Variants in IDE observed in about 807,000 individuals in gnomAD.
The protein encoded by IDE is insulin degrading enzyme.
A neutral mutation model predicts 133.2 loss-of-function variants in IDE; 58 were observed. That is an observed-to-expected ratio of 0.44 (90% CI 0.35 to 0.54). The LOEUF is 0.54. IDE is among the 20% of genes least tolerant of loss of function. The pLI is 0.00. For missense variants in IDE, 981 were observed against 1,234.0 expected (o/e 0.79, Z 3.07); for synonymous variants, 396 against 421.3 (o/e 0.94, Z 0.73).
At chr10:92,567,480 A>C (rs1437601013) in intron 1 of IDE, among the ~76,000 whole-genome samples, 2 of 152,134 alleles carry the variant, frequency 1.3e-5, no homozygotes, top group African/African-American at 4.8e-5. Context: ...ATCCCTCATC[A>C]GTCTCTGCCT....
intron 14 of IDE, among the ~76,000 whole-genome samples, chr10:92,482,858 T>G (rs1281891374): frequency 1.3e-5 from 2 of 151,924 alleles, no homozygotes; most frequent in Non-Finnish European, 2.9e-5. Context: ...CAGGCTGGAG[T>G]GCAGCGGTGC....
intron 4 of IDE, among the ~76,000 whole-genome samples, chr10:92,525,828 A>G (rs1470295700): frequency 6.6e-6 from 1 of 151,960 alleles, no homozygotes; most frequent in Non-Finnish European, 1.5e-5. Flanking sequence ...ACACACAACA[A>G]AAAAGCCCTC....
intron 1 of IDE, among the ~76,000 whole-genome samples, chr10:92,544,220 G>A (rs1418844159): frequency 2.8e-5 from 4 of 144,868 alleles, no homozygotes; most frequent in Non-Finnish European, 4.5e-5. Flanking sequence ...GTGACAGAGC[G>A]AGACACCATC....
In IDE at chr10:92,564,548, G is replaced by A. The variant is rs185711223; in HGVS notation, c.98+9374C>T. ...AAAATTAGTGGGCATGGTGGCACACGCCTGTAGTCCCAGCTACTCAGGAGG... is the reference window on the plus strand; with the variant it reads ...AAAATTAGTGGGCATGGTGGCACACACCTGTAGTCCCAGCTACTCAGGAGG... On this transcript the variant is annotated intron_variant, in intron 1 of 24. Transcript: ENST00000265986. Among the ~76,000 whole-genome samples, 575 of 151,654 alleles carry A rather than the reference G, an allele frequency of 3.8e-3. 2 individuals carry two copies. The highest frequency in any genetic ancestry group is 6.3e-3 in the Non-Finnish European group (427 of 67,884).
chr10:92,478,510 C>T (rs1846408159), intron 15 of IDE: 1 of 352,022 alleles, frequency 2.8e-6, no homozygotes, highest in Non-Finnish European at 4.3e-6. Context: ...AATTTGAGTT[C>T]TTTGATCATC....
At position 92,552,731 on chromosome 10, in the gene IDE, T is replaced by C. The variant is rs1842839011; in HGVS notation, c.99-15181A>G. Among the ~76,000 whole-genome samples, 4 of 151,336 alleles carry C rather than the reference T, an allele frequency of 2.6e-5. No individual in the cohort carries two copies. The South Asian group carries it at 8.4e-4, about 32-fold the overall frequency. On this transcript the variant is annotated intron_variant, in intron 1 of 24. Coordinates refer to ENST00000265986, the MANE Select transcript of IDE (RefSeq NM_004969.4). ...AAAATTAGCCAGGCATGGTGGCACATGCCTGTAATCCCAGCTACCTGGAGG... is the reference window on the plus strand; with the variant it reads ...AAAATTAGCCAGGCATGGTGGCACACGCCTGTAATCCCAGCTACCTGGAGG...
intron 4 of IDE, among the ~76,000 whole-genome samples, chr10:92,517,057 C>A (rs1385199533): frequency 6.6e-6 from 1 of 152,154 alleles, no homozygotes; most frequent in East Asian, 1.9e-4. Flanking sequence ...TCCTGTCTTT[C>A]TTCTGCAGAG....
chr10:92,465,570 A>G (rs1370482518), intron 20 of IDE, 106 bp downstream of exon 20: 1 of 938,738 alleles, frequency 1.1e-6, no homozygotes, highest in East Asian at 2.4e-5. Flanking sequence ...CTCTAAGTAG[A>G]CCATGCCTGA....
chr10:92,559,787 G>A (rs1319798761), intron 1 of IDE, among the ~76,000 whole-genome samples: 1 of 149,982 alleles, frequency 6.7e-6, no homozygotes, highest in Non-Finnish European at 1.5e-5. Flanking sequence ...ACCCAGGCTG[G>A]AGTGCAATGG....
intron 22 of IDE, among the ~76,000 whole-genome samples, chr10:92,457,948 G>C (rs909282419): frequency 6.6e-6 from 1 of 152,110 alleles, no homozygotes; most frequent in Admixed American, 6.5e-5. Flanking sequence ...TTAACATGTA[G>C]TACCTCATCT....
At chr10:92,473,624 G>GAA (rs771270224) in intron 17 of IDE, among the ~76,000 whole-genome samples, 1 of 140,028 alleles carries the variant, frequency 7.1e-6, no homozygotes, top group Non-Finnish European at 1.6e-5. Context: ...GCTAAAGCAG[G>GAA]AAAAAAAAAA....
At chr10:92,558,985 T>C (rs1214987257) in intron 1 of IDE, 5 of 150,312 alleles carry the variant, frequency 3.3e-5, no homozygotes, top group African/African-American at 1.2e-4. Flanking sequence ...TAGACATTTC[T>C]CTAAAGAAGA....
At chr10:92,538,115 C>G (rs1179535796) in intron 1 of IDE, among the ~76,000 whole-genome samples, 3 of 152,304 alleles carry the variant, frequency 2.0e-5, no homozygotes, top group Admixed American at 2.0e-4. Flanking sequence ...CTCAAGCCGT[C>G]TGTCCACCTC....
chr10:92,556,000 C>T (rs1215080153), intron 1 of IDE, among the ~76,000 whole-genome samples: 26 of 151,178 alleles, frequency 1.7e-4, no homozygotes, highest in Admixed American at 1.5e-3. Flanking sequence ...GGTGAAACCC[C>T]GTCTCTACTA....
chr10:92,507,465 T>A, intron 9 of IDE, 110 bp downstream of exon 9: 1 of 718,528 alleles, frequency 1.4e-6, no homozygotes, highest in Non-Finnish European at 2.5e-6. Context: ...AGACTTCAGT[T>A]AGGAAAAAAA....
chr10:92,531,653 T>C, intron 4 of IDE, 95 bp downstream of exon 4: 1 of 479,314 alleles, frequency 2.1e-6, no homozygotes, highest in South Asian at 1.0e-4. Context: ...TATACATAAA[T>C]ATATACATAA....
intron 22 of IDE, among the ~76,000 whole-genome samples, chr10:92,458,373 G>C (rs1297325682): frequency 6.6e-6 from 1 of 151,202 alleles, no homozygotes; most frequent in Admixed American, 6.6e-5. Flanking sequence ...TCCCAAACTT[G>C]TATGGTCATG....
intron 1 of IDE, among the ~76,000 whole-genome samples, chr10:92,567,992 C>T: frequency 6.6e-6 from 1 of 152,174 alleles, no homozygotes; most frequent in East Asian, 1.9e-4. Flanking sequence ...ATTTTCTCAA[C>T]TCTCCTTCTT....
intron 1 of IDE, among the ~76,000 whole-genome samples, chr10:92,558,529 T>C (rs916522058): frequency 6.6e-6 from 1 of 152,202 alleles, no homozygotes; most frequent in African/African-American, 2.4e-5. Context: ...AGACAACCTA[T>C]AGAATGGCAT....
Sources: gnomAD v4.1 joint callset for allele counts (sites outside exome capture counted in the v4.1 genomes callset) on GRCh38, gnomAD v4.1.1 for gene constraint, MANE v1.5 for transcripts, NCBI Gene and HGNC (gene_info 2026-07-23, HGNC 2026-07-21) for gene names.